YME1L1: variants seen among roughly 807,000 people sequenced by gnomAD.
The protein encoded by YME1L1 is YME1 like 1 ATPase.
Under a neutral mutation model 90.4 loss-of-function variants are expected in YME1L1, and 39 were observed. The ratio of observed to expected loss-of-function variants is 0.43; its 90% CI spans 0.33 to 0.56. The LOEUF (loss-of-function observed/expected upper bound fraction) is 0.56, where lower values mean the gene tolerates loss of function less well. Among genes scored for constraint, YME1L1 ranks in the 20% least tolerant of loss-of-function variants. The pLI is 0.03. For missense variants in YME1L1, 617 were observed against 868.4 expected, an observed-to-expected ratio of 0.71 and a Z score of 3.64; for synonymous variants, 284 against 287.3, an observed-to-expected ratio of 0.99 and a Z score of 0.12.
chr10:27,129,268 G>C (rs912259455), intron 8 of YME1L1: 2 of 152,124 alleles, frequency 1.3e-5, no homozygotes, highest in Non-Finnish European at 2.9e-5. Flanking sequence ...CCTCCACGCT[G>C]ATGACTGAAG....
chr10:27,144,823 T>C (rs561656491), intron 3 of YME1L1, among the ~76,000 whole-genome samples: 1 of 152,290 alleles, frequency 6.6e-6, no homozygotes, highest in East Asian at 1.9e-4. Flanking sequence ...GAAATTCAAA[T>C]AGTCTGTAGT....
At chr10:27,149,711 C>CAAAAAAAAAAAAAAAAAAAAAAAA (rs58900380) in intron 1 of YME1L1, among the ~76,000 whole-genome samples, 1 of 32,374 alleles carries the variant, frequency 3.1e-5, no homozygotes, top group African/African-American at 7.8e-5. Flanking sequence ...ACCTGTCTCT[C>CAAAAAAAAAAAAAAAAAAAAAAAA]AAAAAAAAAA....
In YME1L1 at chr10:27,116,464, C is replaced by T. The variant is rs544278453; in HGVS notation, c.1720-119G>A. ...GGTGGATCACCTGAGGTTGGGAGTT[C>T]GAGACCAGCCTGACCAACATGGAGA... On this transcript the variant is annotated intron_variant, in intron 15 of 18. Transcript: ENST00000376016. 3.8e-3 allele frequency: 3,972 copies of T among 1,044,898 alleles called. 11 individuals are homozygous for T. The highest frequency in any genetic ancestry group is 4.8e-3 in the Non-Finnish European group (3,529 of 736,674). The allele number at this position is 1,044,898 out of a possible 1,614,324, so 64.7% of individuals were successfully genotyped here.
At chr10:27,137,815 T>A (rs1362503155) in intron 4 of YME1L1, among the ~76,000 whole-genome samples, 1 of 152,168 alleles carries the variant, frequency 6.6e-6, no homozygotes. Flanking sequence ...ATAATATGGA[T>A]GTTACAGATA....
chr10:27,130,714 G>A (rs1041324715), intron 8 of YME1L1, among the ~76,000 whole-genome samples: 1 of 152,152 alleles, frequency 6.6e-6, no homozygotes, highest in Non-Finnish European at 1.5e-5. Flanking sequence ...TTAGCTGGGC[G>A]TGGTGGCTCG....
At chr10:27,149,232 A>G (rs1242244352) in intron 1 of YME1L1, among the ~76,000 whole-genome samples, 192 bp from the exon 2 acceptor site, 1 of 152,194 alleles carries the variant, frequency 6.6e-6, no homozygotes, top group Non-Finnish European at 1.5e-5. Context: ...ATTATTCTGA[A>G]TATGTAAATC....
At chr10:27,147,719 G>C (rs2057161223) in intron 2 of YME1L1, 1 of 1,546,558 alleles carries the variant, frequency 6.5e-7, no homozygotes, top group African/African-American at 1.4e-5. Flanking sequence ...CATTTAGCAA[G>C]TTCCTGTCTG....
At chr10:27,133,754 A>G (rs1588600926) in intron 7 of YME1L1, among the ~76,000 whole-genome samples, 3 of 152,260 alleles carry the variant, frequency 2.0e-5, no homozygotes, top group East Asian at 3.9e-4. Flanking sequence ...GAAATAGAAG[A>G]CTATTTCAGC....
intron 4 of YME1L1, among the ~76,000 whole-genome samples, chr10:27,140,300 C>T (rs1588608898): frequency 1.3e-5 from 2 of 151,052 alleles, no homozygotes; most frequent in Middle Eastern, 3.6e-3. Flanking sequence ...CCACTGCATC[C>T]AGCCTGATTT....
rs1239914548 is a variant in YME1L1 at position 27,110,860 on chromosome 10, TATA to T, written c.*1114_*1116del. The T allele has an allele frequency of 6.6e-6, 1 of 152,062 alleles. No individual in the cohort carries two copies. Among genetic ancestry groups the T allele is most frequent in the African/African-American group, 2.4e-5 (1 of 41,420 alleles). The allele number at this position is 152,062 out of a possible 1,614,324, so 9.4% of individuals were successfully genotyped here. The stretch of plus-strand genomic sequence containing the variant: ...AATGCACACAGCATTTCTGAAAGGT[TATA>T]ATAATTTATTTAATTTTTTTTTGAG... On this transcript the variant is annotated 3_prime_UTR_variant, in exon 19 of 19. Coordinates refer to ENST00000376016, the MANE Select transcript of YME1L1 (RefSeq NM_014263.4).
chr10:27,126,685 A>C lies in YME1L1; in HGVS notation c.949+11T>G, dbSNP rs370674121. 2.9e-5 allele frequency: 41 copies of C among 1,405,766 alleles called. No individual in the cohort carries two copies. In the African/African-American group the frequency reaches 5.6e-4, roughly 19 times the overall value. 87.1% of individuals were successfully genotyped at this position (1,405,766 alleles called of 1,614,324 possible). The stretch of plus-strand genomic sequence containing the variant: ...TTTCCATCAAATCATGATAAAGAAA[A>C]GATATCTTACCTTTTGGAAGTTTAC... On this transcript the variant is annotated intron_variant, in intron 9 of 18. Transcript: ENST00000376016.
intron 2 of YME1L1, chr10:27,147,022 C>T (rs182660909): frequency 1.1e-4 from 25 of 219,190 alleles, no homozygotes; most frequent in African/African-American, 2.5e-4. Flanking sequence ...ATGATCAAGG[C>T]GGCTTAGGGA....
Position 27,121,462 on chromosome 10 carries a change from A to C in YME1L1, c.1236-14T>G. 1 of 1,550,590 alleles carries C rather than the reference A, an allele frequency of 6.4e-7. No individual in the cohort carries two copies. The highest frequency in any genetic ancestry group is 1.1e-5 in the South Asian group (1 of 89,772). On this transcript the variant is annotated splice_polypyrimidine_tract_variant and intron_variant, in intron 11 of 18. Coordinates refer to ENST00000376016, the MANE Select transcript of YME1L1 (RefSeq NM_014263.4). ...TTGGGTTTAAAACTATATTGGAAAAAAAATAGTATCTTTTACTAACACTGA... is the reference window on the plus strand; with the variant it reads ...TTGGGTTTAAAACTATATTGGAAAACAAATAGTATCTTTTACTAACACTGA...
chr10:27,134,886 T>A lies in YME1L1; in HGVS notation c.636A>T (p.Lys212Asn). ...NIPEAHQDAFKTGFAEGFLKA... is the reference protein window; with the variant it reads ...NIPEAHQDAFNTGFAEGFLKA... ...TCAGAAAACCTTCCGCAAAACCAGT[T>A]TTAAATGCATCTTGGTGAGCTTCAG... Residue 212 changes from lysine to asparagine, a missense_variant, in exon 6 of 19, where the codon AAA becomes AAT. Lys to Asn is a moderately conservative substitution (Grantham distance 94). Coordinates refer to ENST00000376016, the MANE Select transcript of YME1L1 (RefSeq NM_014263.4). 4 of 1,614,122 alleles carry A rather than the reference T, an allele frequency of 2.5e-6. No homozygotes were observed. Among genetic ancestry groups the A allele is most frequent in the Non-Finnish European group, 3.4e-6 (4 of 1,180,012 alleles).
At chr10:27,131,669 A>G (rs547181963) in intron 8 of YME1L1, among the ~76,000 whole-genome samples, 190 bp downstream of exon 8, 2 of 152,358 alleles carry the variant, frequency 1.3e-5, no homozygotes, top group East Asian at 3.9e-4. Flanking sequence ...TTCATAAATT[A>G]TACTATCCCC....
At chr10:27,112,714 TCTA>T (rs1308674436) in intron 18 of YME1L1, among the ~76,000 whole-genome samples, 4 of 152,058 alleles carry the variant, frequency 2.6e-5, no homozygotes, top group African/African-American at 9.7e-5. Flanking sequence ...TCTCTCTCTC[TCTA>T]TTTTTTTTTC....
rs961526576 is a variant in YME1L1 at position 27,147,716 on chromosome 10, C to G, written c.168+1190G>C. ...TCCTGGTTGTGGTATGCTCATTTAG[C>G]AAGTTCCTGTCTGTAACACCCGTGG... is the stretch of plus-strand genomic sequence containing the variant. On this transcript the variant is annotated intron_variant, in intron 2 of 18. Coordinates refer to ENST00000376016, the MANE Select transcript of YME1L1 (RefSeq NM_014263.4). 3.2e-6 allele frequency: 5 copies of G among 1,547,684 alleles called. No individual in the cohort carries two copies. The East Asian group carries it at 9.8e-5, about 30-fold the overall frequency.
At chr10:27,132,417 A>G (rs2056986592) in intron 7 of YME1L1, among the ~76,000 whole-genome samples, 1 of 152,032 alleles carries the variant, frequency 6.6e-6, no homozygotes, top group Admixed American at 6.5e-5. Context: ...GGATTTCTAA[A>G]CCATCTTCAA....
chr10:27,151,017 C>T (rs943145043), intron 1 of YME1L1, among the ~76,000 whole-genome samples: 1 of 148,066 alleles, frequency 6.8e-6, no homozygotes, highest in African/African-American at 2.5e-5. Flanking sequence ...CCACCGCCTC[C>T]TGGGTTCGAG....
Sources: gnomAD v4.1 joint callset for allele counts (sites outside exome capture counted in the v4.1 genomes callset) on GRCh38, gnomAD v4.1.1 for gene constraint, MANE v1.5 for transcripts, NCBI Gene and HGNC (gene_info 2026-07-23, HGNC 2026-07-21) for gene names.